The following NRG1 variants were observed in gnomAD, a reference collection of about 807,000 sequenced individuals.
NRG1 encodes the protein pro-neuregulin-1, membrane-bound isoform.
In NRG1, 18 loss-of-function variants were observed where a neutral mutation model predicts 63.8. The observed-to-expected ratio is 0.28, with a 90% confidence interval of 0.19 to 0.42. NRG1 has a LOEUF of 0.42. Ranked by LOEUF, NRG1 falls within the 10% of genes least tolerant of loss-of-function variation. The pLI is 1.00. For missense variants in NRG1, 762 were observed against 814.7 expected (o/e 0.94, Z 0.79); for synonymous variants, 302 against 301.3 (o/e 1.00, Z -0.02).
chr8:32,372,841 G>T (rs765147458), intron 1 of NRG1, among the ~76,000 whole-genome samples: 1 of 152,148 alleles, frequency 6.6e-6, no homozygotes, highest in East Asian at 1.9e-4. Context: ...TACTGGGAAA[G>T]GTCAGGTGTC....
At chr8:32,771,625 T>A (rs929436003), downstream of NRG1, among the ~76,000 whole-genome samples, 1 of 147,488 alleles carries the variant, frequency 6.8e-6, no homozygotes, top group Non-Finnish European at 1.5e-5. Context: ...TCTAGAAGAA[T>A]GAACAAAAAT....
At chr8:31,831,488 C>T (rs1825159119) in intron 1 of NRG1, among the ~76,000 whole-genome samples, 1 of 152,144 alleles carries the variant, frequency 6.6e-6, no homozygotes, top group Admixed American at 6.5e-5. Context: ...CATAGAGCTT[C>T]AAACAGTTCT....
exon 12 of NRG1, chr8:32,763,919 C>T (rs764321855): frequency 9.3e-6 from 15 of 1,613,880 alleles, no homozygotes; most frequent in Middle Eastern, 1.6e-4. Flanking sequence ...CTCTACTTCT[C>T]GTGACACCAC....
intron 1 of NRG1, among the ~76,000 whole-genome samples, chr8:32,219,540 T>C (rs1845595789): frequency 6.6e-6 from 1 of 152,266 alleles, no homozygotes; most frequent in Non-Finnish European, 1.5e-5. Flanking sequence ...TTTATGAATC[T>C]GCCTTATTGT....
At chr8:31,796,474 C>T (rs969619161) in intron 1 of NRG1, among the ~76,000 whole-genome samples, 19 of 111,016 alleles carry the variant, frequency 1.7e-4, no homozygotes, top group South Asian at 9.7e-4. Flanking sequence ...GCTCTGTCAC[C>T]GAGGCTGGAG....
At chr8:32,552,100 A>C (rs529037404) in intron 1 of NRG1, among the ~76,000 whole-genome samples, 1 of 151,704 alleles carries the variant, frequency 6.6e-6, no homozygotes, top group South Asian at 2.1e-4. Context: ...TAGTAGAGAC[A>C]GGGTTTCACC....
chr8:32,465,515 G>A (rs1364367419), intron 1 of NRG1, among the ~76,000 whole-genome samples: 1 of 152,180 alleles, frequency 6.6e-6, no homozygotes, highest in Non-Finnish European at 1.5e-5. Flanking sequence ...AAAATAGTGA[G>A]AGTCCTAAAG....
chr8:32,740,190 C>CTT (rs35219061), intron 6 of NRG1, among the ~76,000 whole-genome samples: 11,909 of 92,410 alleles, frequency 0.13, 1,543 homozygotes, highest in African/African-American at 0.2. Flanking sequence ...GACCCAACCT[C>CTT]TTTTTTTTTT....
intron 1 of NRG1, among the ~76,000 whole-genome samples, chr8:32,098,045 A>C (rs2131330395): frequency 6.6e-6 from 1 of 152,310 alleles, no homozygotes; most frequent in East Asian, 1.9e-4. Flanking sequence ...AGGGATCAAA[A>C]CCAAGCCTTG....
rs944997740 is a variant in NRG1 at position 31,640,268 on chromosome 8, G to A, written c.37+837G>A. On this transcript the variant is annotated intron_variant, in intron 1 of 10. Transcript: ENST00000519301. This position sits in a 1 kb window ranked among gnomAD's most constrained non-coding sequence, Gnocchi z 6.3. ...GTGCACCCGCAGCGGCGGCAGCAGG[G>A]GGCACTCGACAGGAAGGCGGCGGCG... 1.1e-5 allele frequency: 13 copies of A among 1,139,096 alleles called. No homozygotes were observed. Among genetic ancestry groups the A allele is most frequent in the Admixed American group, 4.9e-5 (1 of 20,426 alleles). The allele number at this position is 1,139,096 out of a possible 1,614,324, so 70.6% of individuals were successfully genotyped here.
intron 1 of NRG1, among the ~76,000 whole-genome samples, chr8:32,155,864 T>A (rs1334460164): frequency 6.6e-6 from 1 of 152,224 alleles, no homozygotes; most frequent in Non-Finnish European, 1.5e-5. Flanking sequence ...CACCAAGTTA[T>A]TATTGATTTT....
At chr8:31,962,493 T>A (rs186546938) in intron 1 of NRG1, among the ~76,000 whole-genome samples, 170 of 152,312 alleles carry the variant, frequency 1.1e-3, no homozygotes, top group Non-Finnish European at 2.0e-3. Flanking sequence ...TATGAAGAGA[T>A]GCTCAGTGAT....
intron 1 of NRG1, among the ~76,000 whole-genome samples, chr8:32,320,070 G>A (rs566115793): frequency 1.4e-4 from 21 of 152,142 alleles, no homozygotes; most frequent in Non-Finnish European, 2.5e-4. Context: ...CTGTACGACT[G>A]TGAGCAAGTT....
intron 5 of NRG1, among the ~76,000 whole-genome samples, chr8:32,723,441 G>A (rs1175009821): frequency 6.6e-6 from 1 of 152,020 alleles, no homozygotes; most frequent in African/African-American, 2.4e-5. Flanking sequence ...CAGCAATTTG[G>A]GAGGCTGAGG....
At chr8:31,717,412 T>TAAAAAAAA (rs34835652) in intron 1 of NRG1, among the ~76,000 whole-genome samples, 1 of 126,328 alleles carries the variant, frequency 7.9e-6, no homozygotes, top group Non-Finnish European at 1.7e-5. Flanking sequence ...ATCTCGACAT[T>TAAAAAAAA]AAAAAAAAAA....
intron 1 of NRG1, among the ~76,000 whole-genome samples, chr8:32,284,335 T>C (rs1433961730): frequency 6.6e-6 from 1 of 152,162 alleles, no homozygotes; most frequent in Non-Finnish European, 1.5e-5. Flanking sequence ...CACACTCTGC[T>C]CTTTGACTCT....
At chr8:32,682,771 C>T (rs1280565822) in intron 5 of NRG1, among the ~76,000 whole-genome samples, 1 of 151,986 alleles carries the variant, frequency 6.6e-6, no homozygotes, top group Non-Finnish European at 1.5e-5. Context: ...TGTAAGAAAA[C>T]TTATGTTGTC....
chr8:32,622,904 G>A lies in NRG1; in HGVS notation c.502+6019G>A, dbSNP rs373275731. ...AGTCTCTACATCTTACTTCAACAAC[G>A]TTGGAAAATGCCCTTATTGTTGGAG... On this transcript the variant is annotated intron_variant, in intron 5 of 11. Transcript: ENST00000356819. Among the ~76,000 whole-genome samples, 17 of 152,268 alleles carry A rather than the reference G, an allele frequency of 1.1e-4. No homozygotes were observed. In the East Asian group the frequency reaches 1.5e-3, roughly 14 times the overall value.
Position 32,635,245 on chromosome 8 carries a change from C to T in NRG1, c.502+18360C>T, listed in dbSNP as rs77191816. Among the ~76,000 whole-genome samples the T allele has an allele frequency of 3.7e-3, 557 of 152,286 alleles. 4 individuals are homozygous for T. Among genetic ancestry groups the T allele is most frequent in the African/African-American group, 0.013 (538 of 41,564 alleles). On this transcript the variant is annotated intron_variant, in intron 5 of 11. Transcript: ENST00000356819. The stretch of plus-strand genomic sequence containing the variant: ...CCCAGCACAATGCCTGTCACAGATA[C>T]GGTCATTTAGTAAACATCTTTTGGA...
Sources: allele counts gnomAD v4.1 joint callset (sites outside exome capture counted in the v4.1 genomes callset), GRCh38; gene constraint gnomAD v4.1.1; non-coding constraint Gnocchi (gnomAD v3.1); transcripts MANE v1.5; gene names NCBI Gene and HGNC (gene_info 2026-07-23, HGNC 2026-07-21).